Variants in HAS1 observed in about 807,000 individuals in gnomAD.
HAS1 encodes hyaluronan synthase 1.
A neutral mutation model predicts 35.0 loss-of-function variants in HAS1; 27 were observed. That is an observed-to-expected ratio of 0.77 (90% CI 0.57 to 1.06). HAS1 has a LOEUF of 1.06. Among genes scored for constraint, HAS1 ranks in the 50% least tolerant of loss-of-function variants. The pLI is 0.00. For missense variants in HAS1, 940 were observed against 814.8 expected, an observed-to-expected ratio of 1.15 and a Z score of -1.87; for synonymous variants, 409 against 371.2, an observed-to-expected ratio of 1.10 and a Z score of -1.17.
chr19:51,714,513 A>AC (rs1307399112), intron 4 of HAS1, among the ~76,000 whole-genome samples: 5 of 127,400 alleles, frequency 3.9e-5, no homozygotes, highest in South Asian at 2.7e-4. Flanking sequence ...ACATAGTGAG[A>AC]CCCCATCTCT....
chr19:51,719,968 A>G (rs1349615866), intron 1 of HAS1, 73 bp from the exon 2 acceptor site: 12 of 992,028 alleles, frequency 1.2e-5, no homozygotes, highest in Admixed American at 5.7e-5. Flanking sequence ...AGAAGATTAA[A>G]AATCCTTTCC....
chr19:51,716,235 C>T, intron 4 of HAS1, 21 bp downstream of exon 4: 1 of 1,606,018 alleles, frequency 6.2e-7, no homozygotes, highest in Non-Finnish European at 8.5e-7. Flanking sequence ...CATACCCGAC[C>T]ACCTGGTCCC....
At chr19:51,715,707 C>T (rs2083581863) in intron 4 of HAS1, among the ~76,000 whole-genome samples, 1 of 152,188 alleles carries the variant, frequency 6.6e-6, no homozygotes, top group Non-Finnish European at 1.5e-5. Context: ...AAATCACTCT[C>T]CCCTGAACTT....
Position 51,719,676 on chromosome 19 carries a change from G to A in HAS1, c.229C>T (p.His77Tyr), listed in dbSNP as rs1392119779. 4 of 1,553,226 alleles carry A rather than the reference G, an allele frequency of 2.6e-6. No individual in the cohort carries two copies. In the East Asian group the frequency reaches 7.3e-5, roughly 28 times the overall value. The change falls in exon 2 of 5, where the codon CAC (histidine) becomes TAC (tyrosine). Residue 77 changes from histidine to tyrosine, a missense_variant. Coordinates refer to ENST00000540069, the MANE Select transcript of HAS1 (RefSeq NM_001297436.2). ...VAQSLFAYLE[H>Y]RRVAAAARGP... ...CGCGCCGCCGCCGCCACCCGCCGGT[G>A]CTCCAGGTACGCGAAGAGGCTCTGC...
chr19:51,713,657 G>T lies in HAS1; in HGVS notation c.1504C>A (p.Leu502Met). 1 of 1,578,410 alleles carries T rather than the reference G, an allele frequency of 6.3e-7. No homozygotes were observed. Among genetic ancestry groups the T allele is most frequent in the Non-Finnish European group, 8.6e-7 (1 of 1,163,242 alleles). Residue 502 changes from leucine to methionine, a missense_variant, in exon 5 of 5, where the codon CTG becomes ATG. Leu to Met is a conservative substitution (Grantham distance 15). Transcript: ENST00000540069. This position sits in a 1 kb window ranked among gnomAD's most constrained non-coding sequence, Gnocchi z 4.5. ...RRKLAANYVPLLPLALWALLL... is the reference protein window; with the variant it reads ...RRKLAANYVPMLPLALWALLL... Reference sequence around the variant, plus strand: ...AGCGCCCAGAGCGCCAGGGGCAGCAGAGGGACGTAGTTAGCGGCCAGCTTC... The same window carrying T: ...AGCGCCCAGAGCGCCAGGGGCAGCATAGGGACGTAGTTAGCGGCCAGCTTC...
rs772596332 is a variant in HAS1 at position 51,719,364 on chromosome 19, C to T, written c.541G>A (p.Ala181Thr). The stretch of plus-strand genomic sequence containing the variant: ...TCCTCCGCCTCCACCTCCCGATAGG[C>T]TCCGGCGCCCACCGCGCCCGCCGCC... ...PAAAGAVGAG[A>T]YREVEAEDPG... is the part of the protein sequence containing the mutation. The change falls in exon 2 of 5, where the codon GCC becomes ACC. Residue 181 changes from alanine (A) to threonine (T), a missense_variant. Physicochemically the swap from Ala to Thr is moderately conservative, Grantham distance 58. Coordinates refer to ENST00000540069, the MANE Select transcript of HAS1 (RefSeq NM_001297436.2). 2 of 1,599,638 alleles carry T rather than the reference C, an allele frequency of 1.3e-6. No homozygotes were observed. Among genetic ancestry groups the T allele is most frequent in the African/African-American group, 1.3e-5 (1 of 74,444 alleles).
chr19:51,720,203 C>A (rs2083621670), intron 1 of HAS1, among the ~76,000 whole-genome samples: 1 of 151,476 alleles, frequency 6.6e-6, no homozygotes, highest in Non-Finnish European at 1.5e-5. Flanking sequence ...GCCTCAGCTT[C>A]CCGAGCTCAG....
intron 4 of HAS1, 174 bp from the exon 5 acceptor site, chr19:51,714,276 G>A (rs2083568848): frequency 3.7e-6 from 4 of 1,083,166 alleles, no homozygotes; most frequent in Non-Finnish European, 5.2e-6. Context: ...AGGCCTGGAC[G>A]CGGTGGCTCA....
At chr19:51,719,939 C>G (rs1246633465) in intron 1 of HAS1, 44 bp from the exon 2 acceptor site, 1 of 1,279,526 alleles carries the variant, frequency 7.8e-7, no homozygotes, top group South Asian at 1.3e-5. Flanking sequence ...GAGTCCCGGG[C>G]GCATGAGCCT....
chr19:51,719,587 G>T lies in HAS1; in HGVS notation c.318C>A (p.Asp106Glu). The T allele has an allele frequency of 6.5e-7, 1 of 1,543,096 alleles. No individual in the cohort carries two copies. The highest frequency in any genetic ancestry group is 8.7e-7 in the Non-Finnish European group (1 of 1,143,888). The change falls in exon 2 of 5, where the codon GAC (aspartate) becomes GAA (glutamate). Residue 106 changes from aspartate (D) to glutamate (E), a missense_variant. Asp to Glu is a conservative substitution (Grantham distance 45). Transcript: ENST00000540069. ...VALTISAYQE[D>E]PAYLRQCLAS... ...CCAGGCACTGGCGCAGGTACGCGGG[G>T]TCCTCCTGGTAGGCGGAGATGGTCA...
intron 4 of HAS1, among the ~76,000 whole-genome samples, chr19:51,714,370 C>CTAAAT (rs2083569739): frequency 6.9e-6 from 1 of 143,986 alleles, no homozygotes; most frequent in Non-Finnish European, 1.5e-5. Flanking sequence ...CCCATCTCTA[C>CTAAAT]TAAATAAATA....
At position 51,719,422 on chromosome 19, in the gene HAS1, C is replaced by G; in HGVS notation, c.483G>C (p.Trp161Cys). Residue 161 changes from tryptophan to cysteine, a missense_variant, in exon 2 of 5, where the codon TGG becomes TGC. Coordinates refer to ENST00000540069, the MANE Select transcript of HAS1 (RefSeq NM_001297436.2). ...FADEDPATYV[W>C]DGNYHQPWEP... is the part of the protein sequence containing the mutation. ...CCCAGGGCTGGTGGTAGTTGCCGTC[C>G]CACACGTACGTGGCGGGGTCCTCGT... The G allele has an allele frequency of 1.3e-6, 2 of 1,559,842 alleles. No individual in the cohort carries two copies. Among genetic ancestry groups the G allele is most frequent in the Non-Finnish European group, 1.7e-6 (2 of 1,151,438 alleles).
In HAS1 at chr19:51,719,847, G is replaced by A. The variant is rs189092221; in HGVS notation, c.58C>T (p.Arg20Trp). The A allele has an allele frequency of 1.3e-6, 2 of 1,548,818 alleles. No homozygotes were observed. The highest frequency in any genetic ancestry group is 2.7e-5 in the African/African-American group (2 of 73,610). Residue 20 changes from arginine to tryptophan, a missense_variant, in exon 2 of 5, where the codon CGG becomes TGG. By Grantham distance (101) the Arg-to-Trp change is moderately radical. Transcript: ENST00000540069. ...GCGAAGGCGATGGTCAGCACCCTCC[G>A]GGCCAGGCCGGAGCAGCGGCAGGCT... ...PAACRCSGLA[R>W]RVLTIAFALL...
chr19:51,720,910 A>G (rs770489789), intron 1 of HAS1, among the ~76,000 whole-genome samples: 1 of 152,204 alleles, frequency 6.6e-6, no homozygotes, highest in African/African-American at 2.4e-5. Context: ...TTTATCTCCC[A>G]ATCAAAGGTT....
intron 1 of HAS1, among the ~76,000 whole-genome samples, chr19:51,720,717 C>A (rs976537802): frequency 6.6e-6 from 1 of 151,980 alleles, no homozygotes; most frequent in Non-Finnish European, 1.5e-5. Context: ...CTCCAGTCTC[C>A]CAAAGTGCTA....
Position 51,717,027 on chromosome 19 carries a change from T to C in HAS1, c.866A>G (p.Asn289Ser), listed in dbSNP as rs765234716. ...LSSLRYWVAF[N>S]VERACQSYFH... ...GTAGCTCTGACAAGCCCGCTCCACA[T>C]TGAAGGCTACCCAGTATCGCAGGCT... The change falls in exon 3 of 5, where the codon AAT becomes AGT. Residue 289 changes from asparagine to serine, a missense_variant. By Grantham distance (46) the Asn-to-Ser change is conservative. Transcript: ENST00000540069. 47 of 1,614,142 alleles carry C rather than the reference T, an allele frequency of 2.9e-5. 1 individual carries two copies. The South Asian group carries it at 3.8e-4, about 13-fold the overall frequency.
In HAS1 at chr19:51,713,273, G is replaced by C. The variant is rs1369120269; in HGVS notation, c.*154C>G. The C allele has an allele frequency of 1.5e-6, 1 of 686,606 alleles. No individual in the cohort carries two copies. Among genetic ancestry groups the C allele is most frequent in the Non-Finnish European group, 2.3e-6 (1 of 442,020 alleles). 42.5% of individuals were successfully genotyped at this position (686,606 alleles called of 1,614,324 possible). ...ACCCAGAAGTCCCAGTCCCAATATA[G>C]TCCAGACTGAAGAATCTTGGGCTGA... is the stretch of plus-strand genomic sequence containing the variant. On this transcript the variant is annotated 3_prime_UTR_variant, in exon 5 of 5. Transcript: ENST00000540069. The surrounding 1 kb of genome is among the most constrained non-coding windows in gnomAD (Gnocchi z 4.5).
intron 4 of HAS1, 152 bp from the exon 5 acceptor site, chr19:51,714,254 AT>A (rs1274375967): frequency 9.4e-6 from 12 of 1,280,084 alleles, no homozygotes; most frequent in African/African-American, 4.5e-5. Context: ...AATAGGGTGG[AT>A]AATGGTTCCT....
In HAS1 at chr19:51,722,565, G is replaced by C. The variant is rs145645950; in HGVS notation, c.9+1360C>G. 4.5e-3 allele frequency among the ~76,000 whole-genome samples: 681 copies of C among 152,356 alleles called. 4 individuals carry two copies. Among genetic ancestry groups the C allele is most frequent in the Non-Finnish European group, 6.9e-3 (469 of 68,036 alleles). On this transcript the variant is annotated intron_variant, in intron 1 of 4. Transcript: ENST00000540069. ...GCTGCAGCCTGCAGGCTAAGAATTT[G>C]TGTGTGTGTTTTTAGATGGTTTTTG...
Sources: allele counts gnomAD v4.1 joint callset (sites outside exome capture counted in the v4.1 genomes callset), GRCh38; gene constraint gnomAD v4.1.1; non-coding constraint Gnocchi (gnomAD v3.1); transcripts MANE v1.5; gene names NCBI Gene and HGNC (gene_info 2026-07-23, HGNC 2026-07-21).